The following KALRN variants were observed in gnomAD, a reference collection of about 807,000 sequenced individuals.
The protein encoded by KALRN is kalirin RhoGEF kinase, also known as kalirin.
KALRN carries 70 observed loss-of-function variants against 353.7 expected under a neutral mutation model. The ratio of observed to expected loss-of-function variants is 0.20; its 90% CI spans 0.16 to 0.24. The LOEUF is 0.24. KALRN is among the 10% of genes least tolerant of loss of function. KALRN has a pLI of 1.00. For synonymous variants in KALRN, 1,391 were observed against 1,434.8 expected, an observed-to-expected ratio of 0.97 and a Z score of 0.69; for missense variants, 2,791 against 3,756.7, an observed-to-expected ratio of 0.74 and a Z score of 6.72.
chr3:124,597,266 C>T (rs2076357163), intron 34 of KALRN, among the ~76,000 whole-genome samples: 1 of 152,148 alleles, frequency 6.6e-6, no homozygotes, highest in Admixed American at 6.6e-5. Flanking sequence ...AGATATTTCT[C>T]TGCCCCGAGT....
chr3:124,498,530 AC>A (rs1258625454), intron 33 of KALRN, among the ~76,000 whole-genome samples: 14 of 152,306 alleles, frequency 9.2e-5, no homozygotes, highest in Middle Eastern at 3.4e-3. Context: ...GGCAGCTAAA[AC>A]CAGTGGTCTG....
At chr3:124,404,443 T>C (rs566131) in intron 13 of KALRN, among the ~76,000 whole-genome samples, 143,829 of 152,076 alleles carry the variant, frequency 0.95, 68,531 homozygotes, top group East Asian at 1. Flanking sequence ...GGCTCACATA[T>C]AGGCTTGGAT....
chr3:124,658,604 C>T, intron 42 of KALRN, 87 bp downstream of exon 42: 5 of 942,372 alleles, frequency 5.3e-6, no homozygotes, highest in Non-Finnish European at 8.7e-6. Context: ...CGTCATCCAT[C>T]CATATGTGAC....
intron 34 of KALRN, among the ~76,000 whole-genome samples, chr3:124,570,012 T>G (rs1042024742): frequency 2.0e-5 from 3 of 152,192 alleles, no homozygotes; most frequent in Admixed American, 1.3e-4. Flanking sequence ...TTCAACAGAT[T>G]GTCTGCAGGA....
At chr3:124,669,599 C>G (rs2086126878) in intron 47 of KALRN, among the ~76,000 whole-genome samples, 1 of 152,168 alleles carries the variant, frequency 6.6e-6, no homozygotes, top group Non-Finnish European at 1.5e-5. Flanking sequence ...GAACTTGGAA[C>G]TGTATTTATT....
chr3:124,686,112 A>G (rs978680190), intron 51 of KALRN, among the ~76,000 whole-genome samples: 10 of 152,216 alleles, frequency 6.6e-5, no homozygotes, highest in African/African-American at 2.4e-4. Context: ...AGGTATAAAT[A>G]AATGCCCATG....
intron 3 of KALRN, among the ~76,000 whole-genome samples, chr3:124,237,831 T>C (rs529150232): frequency 1.3e-5 from 2 of 152,236 alleles, no homozygotes; most frequent in South Asian, 2.1e-4. Context: ...CCAGTAATAG[T>C]AAAAGGCAGC....
intron 1 of KALRN, among the ~76,000 whole-genome samples, chr3:124,168,907 A>G (rs940968854): frequency 1.3e-5 from 2 of 152,238 alleles, no homozygotes; most frequent in African/African-American, 4.8e-5. Flanking sequence ...TATAGGAACC[A>G]GTGACAAAGG....
chr3:124,589,254 C>T (rs1013535663), intron 34 of KALRN, among the ~76,000 whole-genome samples: 1 of 152,108 alleles, frequency 6.6e-6, no homozygotes, highest in Admixed American at 6.5e-5. Context: ...ACCGTGACAC[C>T]AAGTTCCTTT....
intron 34 of KALRN, among the ~76,000 whole-genome samples, chr3:124,596,181 TAAAG>T (rs1284911995): frequency 2.5e-5 from 3 of 119,186 alleles, no homozygotes; most frequent in African/African-American, 9.8e-5. Context: ...AGCTCCATCT[TAAAG>T]AAAAAAAAAA....
At chr3:124,594,959 T>C (rs933024128) in intron 34 of KALRN, among the ~76,000 whole-genome samples, 1 of 151,846 alleles carries the variant, frequency 6.6e-6, no homozygotes, top group African/African-American at 2.4e-5. Flanking sequence ...TTCCTTTTTT[T>C]AAATTTTTTT....
At chr3:124,429,967 C>T (rs1315487634) in intron 15 of KALRN, among the ~76,000 whole-genome samples, 2 of 152,286 alleles carry the variant, frequency 1.3e-5, no homozygotes, top group East Asian at 1.9e-4. Context: ...AAATTAGACT[C>T]ACTGCTCAGG....
At chr3:124,620,176 C>T (rs1004744122) in intron 34 of KALRN, among the ~76,000 whole-genome samples, 1 of 152,174 alleles carries the variant, frequency 6.6e-6, no homozygotes, top group Non-Finnish European at 1.5e-5. Context: ...TCACAGCTCA[C>T]TGCAGCCTTG....
intron 47 of KALRN, among the ~76,000 whole-genome samples, chr3:124,670,789 C>G (rs1367742386): frequency 6.6e-6 from 1 of 152,212 alleles, no homozygotes; most frequent in Non-Finnish European, 1.5e-5. Context: ...TCAGACCTTG[C>G]AACCTTGTTA....
chr3:124,402,559 A>G (rs2091008088), intron 13 of KALRN, among the ~76,000 whole-genome samples: 1 of 152,192 alleles, frequency 6.6e-6, no homozygotes, highest in Non-Finnish European at 1.5e-5. Context: ...AGTTTTATAC[A>G]ATTAGGATAA....
At chr3:124,284,077 G>A (rs752447) in intron 5 of KALRN, among the ~76,000 whole-genome samples, 10,410 of 152,232 alleles carry the variant, frequency 0.068, 1,060 homozygotes, top group East Asian at 0.48. Context: ...ACAAAATGGA[G>A]GAGAAAGCGG....
At chr3:124,570,785 A>T (rs1021749) in intron 34 of KALRN, among the ~76,000 whole-genome samples, 56,952 of 151,962 alleles carry the variant, frequency 0.37, 11,284 homozygotes, top group African/African-American at 0.51. Context: ...CGGTTCTTGA[A>T]TAGATTTAAT....
rs2090520489 is a variant in KALRN, at chr3:124,399,021, A to G, written c.2346+150A>G. 5 of 743,370 alleles carry G rather than the reference A, an allele frequency of 6.7e-6. No individual in the cohort carries two copies. The South Asian group carries it at 9.9e-5, about 15-fold the overall frequency. 46.0% of individuals were successfully genotyped at this position (743,370 alleles called of 1,614,324 possible). On this transcript the variant is annotated intron_variant, in intron 13 of 59. Coordinates refer to ENST00000682506, the MANE Select transcript of KALRN (RefSeq NM_001388419.1). ...CAAGAAATTCCCAGTCCACCATGGC[A>G]TATTCCTTCCAGTCCCTCTCATCCC...
At chr3:124,454,337 T>C (rs1442394689) in intron 21 of KALRN, among the ~76,000 whole-genome samples, 1 of 152,210 alleles carries the variant, frequency 6.6e-6, no homozygotes, top group Non-Finnish European at 1.5e-5. Flanking sequence ...GGACCAGCCC[T>C]AAGCCTCTCT....
Sources: gnomAD v4.1 joint callset for allele counts (sites outside exome capture counted in the v4.1 genomes callset) on GRCh38, gnomAD v4.1.1 for gene constraint, MANE v1.5 for transcripts, NCBI Gene and HGNC (gene_info 2026-07-23, HGNC 2026-07-21) for gene names.